The following PHF3 variants were observed in gnomAD, a reference collection of about 807,000 sequenced individuals.
PHF3 encodes the protein PHD finger protein 3.
A neutral mutation model predicts 178.4 loss-of-function variants in PHF3; 41 were observed. The ratio of observed to expected loss-of-function variants is 0.23; its 90% CI spans 0.18 to 0.30. PHF3 has a LOEUF of 0.30. PHF3 is among the 10% of genes least tolerant of loss of function. The pLI, the probability that PHF3 is intolerant of heterozygous loss-of-function variation, is 1.00. For missense variants in PHF3, 2,346 were observed against 2,398.1 expected, an observed-to-expected ratio of 0.98 and a Z score of 0.45; for synonymous variants, 842 against 800.5, an observed-to-expected ratio of 1.05 and a Z score of -0.88.
chr6:63,703,944 A>T (rs994394482), intron 11 of PHF3, among the ~76,000 whole-genome samples: 1 of 152,212 alleles, frequency 6.6e-6, no homozygotes, highest in African/African-American at 2.4e-5. Context: ...TTTAACCATT[A>T]GAATGAACAT....
chr6:63,713,175 G>T lies in PHF3; in HGVS notation c.5587G>T (p.Gly1863Cys), dbSNP rs1221883876. The T allele has an allele frequency of 2.5e-6, 4 of 1,613,878 alleles. No homozygotes were observed. In the East Asian group the frequency reaches 6.7e-5, roughly 27 times the overall value. The change falls in exon 16 of 16, where the codon GGT (glycine) becomes TGT (cysteine). Residue 1863 changes from glycine (G) to cysteine (C), a missense_variant. By Grantham distance (159) the Gly-to-Cys change is radical. Transcript: ENST00000262043. ...VPWPPVVHLPGQPQRMMGPLS... is the reference protein window; with the variant it reads ...VPWPPVVHLPCQPQRMMGPLS... ...CTGGCCACCTGTTGTTCATCTCCCA[G>T]GTCAGCCACAGCGTATGATGGGTCC...
rs1268225139 is a variant in PHF3 at position 63,724,669 on chromosome 6, T to A, written c.*10961T>A. ...TAAAATATCTTTCAAAAATCAGAGA[T>A]CTGAGATCATCTAGTATAATTTTCA... On this transcript the variant is annotated 3_prime_UTR_variant, in exon 16 of 16. Coordinates refer to ENST00000262043, the MANE Select transcript of PHF3 (RefSeq NM_001370348.2). Among the ~76,000 whole-genome samples, 1 of 152,128 alleles carries A rather than the reference T, an allele frequency of 6.6e-6. No homozygotes were observed. The highest frequency in any genetic ancestry group is 6.6e-5 in the Admixed American group (1 of 15,262).
rs1767685212 is a variant in PHF3, at chr6:63,706,212, C to G, written c.3551C>G (p.Ser1184Cys). ...CAGGAGTCTCCAAAGTCAACGTTCT[C>G]TCCTGCTCCACGGTAATTTTCTCTG... ...EKQESPKSTF[S>C]PAPRPEMPGT... is the part of the protein sequence containing the mutation. Residue 1184 changes from serine to cysteine, a missense_variant, in exon 12 of 16, where the codon TCT (serine) becomes TGT (cysteine). Physicochemically the swap from Ser to Cys is moderately radical, Grantham distance 112. This residue lies in a region of PHF3 where 205 missense variants were observed against 212.4 expected (regional missense o/e 0.97). Transcript: ENST00000262043. 1 of 1,609,480 alleles carries G rather than the reference C, an allele frequency of 6.2e-7. No individual in the cohort carries two copies. The highest frequency in any genetic ancestry group is 8.5e-7 in the Non-Finnish European group (1 of 1,178,236).
chr6:63,721,084 A>G lies in PHF3; in HGVS notation c.*7376A>G. On this transcript the variant is annotated 3_prime_UTR_variant, in exon 16 of 16. Coordinates refer to ENST00000262043, the MANE Select transcript of PHF3 (RefSeq NM_001370348.2). ...GTTTTAGTGGTACTGAAATTTAAGGATATAGTAGTGAACTGGAGGTTTCTC... is the reference window on the plus strand; with the variant it reads ...GTTTTAGTGGTACTGAAATTTAAGGGTATAGTAGTGAACTGGAGGTTTCTC... 6.4e-7 allele frequency: 1 copy of G among 1,551,344 alleles called. No individual in the cohort carries two copies. The highest frequency in any genetic ancestry group is 8.7e-7 in the Non-Finnish European group (1 of 1,146,746).
At chr6:63,689,819 A>G (rs549372280) in intron 4 of PHF3, among the ~76,000 whole-genome samples, 2 of 152,288 alleles carry the variant, frequency 1.3e-5, no homozygotes, top group East Asian at 1.9e-4. Context: ...ATTTGGAACA[A>G]TAGCATTATT....
chr6:63,721,243 CA>C lies in PHF3; in HGVS notation c.*7536del. 6.4e-7 allele frequency: 1 copy of C among 1,551,752 alleles called. No homozygotes were observed. Among genetic ancestry groups the C allele is most frequent in the South Asian group, 1.2e-5 (1 of 84,024 alleles). The stretch of plus-strand genomic sequence containing the variant: ...AGGCAACTGTAAGAAAATGATTGGT[CA>C]GGTATACATAAAGATTGGTGGAGGC... On this transcript the variant is annotated 3_prime_UTR_variant, in exon 16 of 16. Transcript: ENST00000262043.
intron 4 of PHF3, 84 bp downstream of exon 4, chr6:63,685,995 T>G (rs1582077545): frequency 1.1e-6 from 1 of 900,598 alleles, no homozygotes; most frequent in East Asian, 2.5e-5. Flanking sequence ...AGAATTGTTT[T>G]AAAGACATTA....
chr6:63,711,080 G>A, intron 14 of PHF3, 87 bp from the exon 15 acceptor site: 1 of 905,460 alleles, frequency 1.1e-6, no homozygotes, highest in Non-Finnish European at 1.6e-6. Flanking sequence ...AAGTTCAATA[G>A]ATTATTACTA....
Position 63,721,549 on chromosome 6 carries a change from A to G in PHF3, c.*7841A>G, listed in dbSNP as rs1195504887. On this transcript the variant is annotated 3_prime_UTR_variant, in exon 16 of 16. Coordinates refer to ENST00000262043, the MANE Select transcript of PHF3 (RefSeq NM_001370348.2). Reference sequence around the variant, plus strand: ...GCCATGGGATTTACAAGATTTAAAGAAGATACTCCTCCAATATAGAAGTCT... The same window carrying G: ...GCCATGGGATTTACAAGATTTAAAGGAGATACTCCTCCAATATAGAAGTCT... 6.4e-7 allele frequency: 1 copy of G among 1,551,686 alleles called. No homozygotes were observed. Among genetic ancestry groups the G allele is most frequent in the East Asian group, 2.4e-5 (1 of 40,932 alleles).
At chr6:63,649,624 A>G (rs1045842750) in intron 2 of PHF3, among the ~76,000 whole-genome samples, 2 of 152,246 alleles carry the variant, frequency 1.3e-5, no homozygotes, top group African/African-American at 2.4e-5. Context: ...TTAGAAAATT[A>G]TAAAAATAAG....
chr6:63,692,822 C>T (rs559663547), intron 5 of PHF3, among the ~76,000 whole-genome samples: 1 of 152,122 alleles, frequency 6.6e-6, no homozygotes, highest in East Asian at 1.9e-4. Flanking sequence ...ATCTAATTGT[C>T]AGAAAGTTGA....
Position 63,714,748 on chromosome 6 carries a change from C to CT in PHF3, c.*1041dup, listed in dbSNP as rs1409589040. On this transcript the variant is annotated 3_prime_UTR_variant, in exon 16 of 16. Transcript: ENST00000262043. ...TTTTACACCATCGCAATTTGGTACT[C>CT]TGACTCACTAATCATTAAAATTAAA... 6.6e-6 allele frequency: 1 copy of CT among 152,022 alleles called. No individual in the cohort carries two copies. The highest frequency in any genetic ancestry group is 1.5e-5 in the Non-Finnish European group (1 of 67,974). 9.4% of individuals were successfully genotyped at this position (152,022 alleles called of 1,614,324 possible).
At chr6:63,651,454 C>T (rs796237114) in intron 2 of PHF3, among the ~76,000 whole-genome samples, 52 of 152,164 alleles carry the variant, frequency 3.4e-4, no homozygotes, top group South Asian at 1.0e-3. Flanking sequence ...CTCCACCTCC[C>T]GGGTTCAAGT....
intron 14 of PHF3, among the ~76,000 whole-genome samples, chr6:63,709,617 A>G (rs1017800967): frequency 1.3e-5 from 2 of 152,174 alleles, no homozygotes; most frequent in Non-Finnish European, 2.9e-5. Context: ...AAAAATACAG[A>G]AGTTGATTGG....
At chr6:63,643,165 A>G (rs1159135743) in intron 1 of PHF3, among the ~76,000 whole-genome samples, 1 of 152,050 alleles carries the variant, frequency 6.6e-6, no homozygotes, top group Admixed American at 6.5e-5. Flanking sequence ...AATCCAGGGT[A>G]CCACATTGTG....
intron 1 of PHF3, among the ~76,000 whole-genome samples, chr6:63,643,922 G>A (rs1280403316): frequency 6.6e-6 from 1 of 152,164 alleles, no homozygotes; most frequent in African/African-American, 2.4e-5. Flanking sequence ...AAAAAAAATT[G>A]CTCCTTTAGA....
chr6:63,694,121 T>A (rs533396790), intron 5 of PHF3, among the ~76,000 whole-genome samples: 7 of 152,286 alleles, frequency 4.6e-5, no homozygotes, highest in Middle Eastern at 3.4e-3. Flanking sequence ...GAATTCCAGT[T>A]TTACTGGTAA....
chr6:63,668,957 G>C (rs1765793728), intron 2 of PHF3, among the ~76,000 whole-genome samples: 1 of 152,058 alleles, frequency 6.6e-6, no homozygotes, highest in Non-Finnish European at 1.5e-5. Context: ...CTTCAAAAAA[G>C]CATGTGAAAT....
chr6:63,688,149 C>T lies in PHF3; in HGVS notation c.2189+2238C>T, dbSNP rs1319965496. On this transcript the variant is annotated intron_variant, in intron 4 of 15. Coordinates refer to ENST00000262043, the MANE Select transcript of PHF3 (RefSeq NM_001370348.2). ...TGCAGTGAGCCGAGATCATGCTACT[C>T]CACTTCAGCCTGGGTGACAGAGCAA... Among the ~76,000 whole-genome samples, 221 of 146,812 alleles carry T rather than the reference C, an allele frequency of 1.5e-3. 3 individuals carry two copies. The highest frequency in any genetic ancestry group is 4.9e-3 in the Admixed American group (72 of 14,684).
Sources: gnomAD v4.1 joint callset for allele counts (sites outside exome capture counted in the v4.1 genomes callset) on GRCh38, gnomAD v4.1.1 for gene constraint, gnomAD v4.1.1 regional missense constraint, MANE v1.5 for transcripts, NCBI Gene and HGNC (gene_info 2026-07-23, HGNC 2026-07-21) for gene names.